Variants in MTMR7 observed in about 807,000 individuals in gnomAD.
MTMR7 encodes the protein myotubularin related protein 7.
Under a neutral mutation model 81.2 loss-of-function variants are expected in MTMR7, and 76 were observed. The observed-to-expected ratio is 0.94, with a 90% CI of 0.78 to 1.13. The LOEUF (loss-of-function observed/expected upper bound fraction) is 1.13, where lower values mean the gene tolerates loss of function less well. Ranked by LOEUF, MTMR7 falls within the 50% of genes most tolerant of loss-of-function variation. The probability of loss-of-function intolerance (pLI) is 0.00; values close to 1 mark genes in which losing one functional copy is unlikely to be tolerated. For missense variants in MTMR7, 1,044 were observed against 820.0 expected, an observed-to-expected ratio of 1.27 and a Z score of -3.34; for synonymous variants, 372 against 289.8, an observed-to-expected ratio of 1.28 and a Z score of -2.88.
intron 1 of MTMR7, among the ~76,000 whole-genome samples, chr8:17,411,521 A>G (rs1295796186): frequency 6.6e-6 from 1 of 152,266 alleles, no homozygotes; most frequent in African/African-American, 2.4e-5. Flanking sequence ...AAATAAATGA[A>G]TAAATGAATC....
At position 17,371,117 on chromosome 8, in the gene MTMR7, A is replaced by C. The variant is rs1820408258; in HGVS notation, c.230T>G (p.Phe77Cys). ...AGGTATGATGAGCTGTATTATCTGA[A>C]AGTTCTTGCAGCGAATCAGCAGAGG... is the stretch of plus-strand genomic sequence containing the variant. ...GCPLLIRCKN[F>C]QIIQLIIPQE... is the part of the protein sequence containing the mutation. The change falls in exon 3 of 14, where the codon TTT (phenylalanine) becomes TGT (cysteine). Residue 77 changes from phenylalanine to cysteine, a missense_variant. Coordinates refer to ENST00000180173, the MANE Select transcript of MTMR7 (RefSeq NM_004686.5). The C allele has an allele frequency of 1.2e-6, 2 of 1,614,072 alleles. No homozygotes were observed. Among genetic ancestry groups the C allele is most frequent in the Non-Finnish European group, 1.7e-6 (2 of 1,180,022 alleles).
At chr8:17,302,307 T>G in intron 12 of MTMR7, 27 bp from the exon 13 acceptor site, 1 of 1,608,032 alleles carries the variant, frequency 6.2e-7, no homozygotes, top group Non-Finnish European at 8.5e-7. Flanking sequence ...AGCGTCGTGA[T>G]ACCACCTTAT....
In MTMR7 at chr8:17,375,723, T is replaced by C. The variant is rs537667288; in HGVS notation, c.25-2483A>G. Among the ~76,000 whole-genome samples, 20 of 152,218 alleles carry C rather than the reference T, an allele frequency of 1.3e-4. 1 individual carries two copies. Among genetic ancestry groups the C allele is most frequent in the Non-Finnish European group, 2.9e-4 (20 of 68,040 alleles). ...AAACTTTTAAAAATTAATTCTAGTA[T>C]GAATCTCTTGAATGTTCTGAGTAGC... On this transcript the variant is annotated intron_variant, in intron 1 of 13. Coordinates refer to ENST00000180173, the MANE Select transcript of MTMR7 (RefSeq NM_004686.5).
intron 7 of MTMR7, 62 bp downstream of exon 7, chr8:17,331,088 T>C (rs1586203117): frequency 6.4e-7 from 1 of 1,552,382 alleles, no homozygotes; most frequent in Non-Finnish European, 8.7e-7. Context: ...GACTATCTTA[T>C]TCCCTTTTGG....
In MTMR7 at chr8:17,366,003, C is replaced by G. The variant is rs1450587434; in HGVS notation, c.311-4729G>C. ...CGGTGTTCATTGTGCTCCCCTTAAC[C>G]TAGGGAAGCCTAGGGCACTACAGTG... is the stretch of plus-strand genomic sequence containing the variant. On this transcript the variant is annotated intron_variant, in intron 3 of 13. Transcript: ENST00000180173. Among the ~76,000 whole-genome samples the G allele has an allele frequency of 2.0e-5, 3 of 152,210 alleles. No homozygotes were observed. The East Asian group carries it at 5.8e-4, about 29-fold the overall frequency.
chr8:17,318,325 GGAGTCCA>G (rs1250122444), intron 7 of MTMR7, among the ~76,000 whole-genome samples: 1 of 152,078 alleles, frequency 6.6e-6, no homozygotes, highest in East Asian at 1.9e-4. Flanking sequence ...ACAGTTCTGT[GGAGTCCA>G]CAGAAAAAGC....
chr8:17,385,043 A>G (rs900385404), intron 1 of MTMR7, among the ~76,000 whole-genome samples: 11 of 152,220 alleles, frequency 7.2e-5, no homozygotes, highest in Admixed American at 1.3e-4. Context: ...TATATCTGGG[A>G]GGCATGCAAA....
chr8:17,336,823 G>A lies in MTMR7; in HGVS notation c.732+4540C>T, dbSNP rs185947658. On this transcript the variant is annotated intron_variant, in intron 6 of 13. Transcript: ENST00000180173. ...GGCCTCGTCAGGCGTGTGCTCAGAG[G>A]TGGTAACCCCACAGAGCTTCCACGT... Among the ~76,000 whole-genome samples the A allele has an allele frequency of 3.3e-5, 5 of 152,312 alleles. No individual in the cohort carries two copies. The East Asian group carries it at 9.7e-4, about 30-fold the overall frequency.
intron 3 of MTMR7, among the ~76,000 whole-genome samples, chr8:17,368,594 AC>A (rs1455415642): frequency 6.6e-6 from 1 of 152,004 alleles, no homozygotes; most frequent in East Asian, 1.9e-4. Context: ...TTCATGTCTA[AC>A]CCCTTCCACA....
chr8:17,354,019 T>A (rs1297752352), intron 4 of MTMR7, among the ~76,000 whole-genome samples: 1 of 152,180 alleles, frequency 6.6e-6, no homozygotes, highest in East Asian at 1.9e-4. Flanking sequence ...GTTAGAATCT[T>A]CCAGTAAATA....
intron 4 of MTMR7, among the ~76,000 whole-genome samples, chr8:17,359,576 T>A (rs1819999008): frequency 1.2e-5 from 1 of 85,040 alleles, no homozygotes; most frequent in Non-Finnish European, 2.4e-5. Context: ...AGTGAAACCC[T>A]GTTTCCTTAA....
At chr8:17,391,039 TG>T (rs1041947362) in intron 1 of MTMR7, among the ~76,000 whole-genome samples, 1 of 152,060 alleles carries the variant, frequency 6.6e-6, no homozygotes, top group African/African-American at 2.4e-5. Flanking sequence ...AAGCCAGCCA[TG>T]GGGGTATCTG....
chr8:17,346,917 AG>A (rs1819572497), intron 5 of MTMR7, among the ~76,000 whole-genome samples: 1 of 145,274 alleles, frequency 6.9e-6, no homozygotes, highest in Non-Finnish European at 1.5e-5. Context: ...AAAAGAGGCA[AG>A]GGGCGGCGCC....
In MTMR7 at chr8:17,334,506, A is replaced by G. The variant is rs181574245; in HGVS notation, c.733-3224T>C. ...CCAATTCATGTTTAAGAAACACACA[A>G]CAGATAGGTGAAAAGTAGGACTGCA... On this transcript the variant is annotated intron_variant, in intron 6 of 13. Transcript: ENST00000180173. 3.1e-3 allele frequency among the ~76,000 whole-genome samples: 473 copies of G among 152,330 alleles called. 4 individuals carry two copies. The highest frequency in any genetic ancestry group is 0.011 in the African/African-American group (450 of 41,576).
intron 5 of MTMR7, among the ~76,000 whole-genome samples, chr8:17,347,578 G>A (rs1261214493): frequency 6.6e-6 from 1 of 152,192 alleles, no homozygotes; most frequent in Non-Finnish European, 1.5e-5. Context: ...GAATCCAGAA[G>A]TATATTATCT....
At chr8:17,344,035 T>C (rs1586223690) in intron 5 of MTMR7, among the ~76,000 whole-genome samples, 1 of 148,758 alleles carries the variant, frequency 6.7e-6, no homozygotes, top group Non-Finnish European at 1.5e-5. Flanking sequence ...GGCTTACTAC[T>C]GTTTTTGAGT....
intron 1 of MTMR7, among the ~76,000 whole-genome samples, chr8:17,410,347 TC>T (rs763232655): frequency 1.3e-4 from 20 of 152,312 alleles, no homozygotes; most frequent in South Asian, 8.3e-4. Flanking sequence ...CACATTTGCC[TC>T]AATCTAGTAC....
rs543588827 is a variant in MTMR7 at position 17,298,975 on chromosome 8, G to A, written c.*887C>T. 2 of 152,268 alleles carry A rather than the reference G, an allele frequency of 1.3e-5. No individual in the cohort carries two copies. The highest frequency in any genetic ancestry group is 3.9e-4 in the East Asian group (2 of 5,170). The allele number at this position is 152,268 out of a possible 1,614,324, so 9.4% of individuals were successfully genotyped here. On this transcript the variant is annotated 3_prime_UTR_variant, in exon 14 of 14. Transcript: ENST00000180173. ...ATGACAACCCAATTCTCTGGTTCTT[G>A]AAACTGGATTTTCACTCACAGATGT...
chr8:17,361,699 C>T (rs1373773732), intron 3 of MTMR7, among the ~76,000 whole-genome samples: 3 of 151,960 alleles, frequency 2.0e-5, no homozygotes, highest in African/African-American at 4.8e-5. Flanking sequence ...ACACAAGGCC[C>T]AGGCCAATTG....
Sources: allele counts gnomAD v4.1 joint callset (sites outside exome capture counted in the v4.1 genomes callset), GRCh38; gene constraint gnomAD v4.1.1; transcripts MANE v1.5; gene names NCBI Gene and HGNC (gene_info 2026-07-23, HGNC 2026-07-21).